The following NTRK3 variants were observed in gnomAD, a reference collection of about 807,000 sequenced individuals.
NTRK3 encodes NT-3 growth factor receptor.
Under a neutral mutation model 91.7 loss-of-function variants are expected in NTRK3, and 24 were observed. That is an observed-to-expected ratio of 0.26 (90% CI 0.19 to 0.37). The LOEUF (loss-of-function observed/expected upper bound fraction) is 0.37. NTRK3 is among the 10% of genes least tolerant of loss of function. The pLI is 1.00. For missense variants in NTRK3, 880 were observed against 1,068.9 expected (o/e 0.82, Z 2.46); for synonymous variants, 483 against 404.0 (o/e 1.20, Z -2.34).
chr15:88,164,562 A>G (rs549944721), intron 5 of NTRK3, among the ~76,000 whole-genome samples: 21 of 152,062 alleles, frequency 1.4e-4, no homozygotes, highest in Non-Finnish European at 2.5e-4. Context: ...TGTTCCCACT[A>G]AGATTACCCC....
chr15:87,909,322 G>A (rs558276942), intron 17 of NTRK3, among the ~76,000 whole-genome samples: 1 of 152,142 alleles, frequency 6.6e-6, no homozygotes, highest in Non-Finnish European at 1.5e-5. Flanking sequence ...ACTTAGCAAT[G>A]GCATTTCTCA....
chr15:88,135,820 C>G, intron 9 of NTRK3, 79 bp downstream of exon 9: 1 of 1,571,268 alleles, frequency 6.4e-7, no homozygotes, highest in South Asian at 1.2e-5. Flanking sequence ...TCACCCCTGA[C>G]AACACCTTGG....
chr15:88,228,114 C>T (rs535274133), intron 3 of NTRK3, among the ~76,000 whole-genome samples: 1 of 152,130 alleles, frequency 6.6e-6, no homozygotes, highest in Non-Finnish European at 1.5e-5. Flanking sequence ...CAGAATCATG[C>T]TTTTCCTTCT....
chr15:88,093,875 T>A (rs990545429), intron 13 of NTRK3, among the ~76,000 whole-genome samples: 2 of 152,174 alleles, frequency 1.3e-5, no homozygotes, highest in Admixed American at 6.5e-5. Context: ...ATCTTGTACA[T>A]GTTGTTATCA....
chr15:88,108,743 G>A (rs1367535990), intron 13 of NTRK3, among the ~76,000 whole-genome samples: 2 of 152,180 alleles, frequency 1.3e-5, no homozygotes, highest in Non-Finnish European at 2.9e-5. Flanking sequence ...CCCTCACTTG[G>A]AAGCTATAGC....
chr15:88,117,529 T>C (rs965864652), intron 13 of NTRK3, among the ~76,000 whole-genome samples: 1 of 152,228 alleles, frequency 6.6e-6, no homozygotes, highest in African/African-American at 2.4e-5. Context: ...ATGGATTTTG[T>C]ATTCAGGAAG....
chr15:88,060,400 A>G (rs1396915866), intron 13 of NTRK3, among the ~76,000 whole-genome samples: 1 of 151,520 alleles, frequency 6.6e-6, no homozygotes, highest in Non-Finnish European at 1.5e-5. Flanking sequence ...AAAAAAAAAA[A>G]AAAGTAGGGG....
intron 16 of NTRK3, among the ~76,000 whole-genome samples, chr15:87,929,913 T>C (rs1272149335): frequency 6.6e-6 from 1 of 152,194 alleles, no homozygotes; most frequent in Admixed American, 6.5e-5. Context: ...AATGGCCATA[T>C]GGGAAATCAG....
At chr15:88,108,254 A>C (rs1402925562) in intron 13 of NTRK3, among the ~76,000 whole-genome samples, 1 of 151,694 alleles carries the variant, frequency 6.6e-6, no homozygotes, top group African/African-American at 2.4e-5. Flanking sequence ...CCCCAAATAC[A>C]CTCCTGCCAT....
chr15:88,141,835 A>G (rs529601980), intron 6 of NTRK3, among the ~76,000 whole-genome samples: 1 of 152,334 alleles, frequency 6.6e-6, no homozygotes, highest in African/African-American at 2.4e-5. Context: ...AAGGCTTTGT[A>G]CAAATTTTCT....
At chr15:87,919,268 T>C (rs7175941) in intron 17 of NTRK3, among the ~76,000 whole-genome samples, 19,673 of 152,168 alleles carry the variant, frequency 0.13, 1,448 homozygotes, top group South Asian at 0.23. Flanking sequence ...GTTCCCACAT[T>C]TGTCACTGGC....
intron 13 of NTRK3, among the ~76,000 whole-genome samples, chr15:88,090,027 G>C (rs1160231923): frequency 1.3e-5 from 2 of 152,086 alleles, no homozygotes; most frequent in Non-Finnish European, 2.9e-5. Context: ...CCATCTCAGG[G>C]CCTTTGCACT....
At chr15:88,070,493 A>C in intron 13 of NTRK3, among the ~76,000 whole-genome samples, 1 of 152,226 alleles carries the variant, frequency 6.6e-6, no homozygotes, top group East Asian at 1.9e-4. Context: ...CAAGGGATAC[A>C]GAGGCAGAAA....
At chr15:87,870,876 T>C (rs1014689863) in exon 19 of NTRK3, 1 of 227,332 alleles carries the variant, frequency 4.4e-6, no homozygotes, top group African/African-American at 2.2e-5. Context: ...AAGTATCCCC[T>C]GCAAGCTATG....
At chr15:88,101,968 A>G (rs2150881390) in intron 13 of NTRK3, among the ~76,000 whole-genome samples, 1 of 152,332 alleles carries the variant, frequency 6.6e-6, no homozygotes, top group Non-Finnish European at 1.5e-5. Context: ...ATACATATGT[A>G]ACAAACCTGC....
At chr15:88,069,308 G>C (rs2046915730) in intron 13 of NTRK3, among the ~76,000 whole-genome samples, 1 of 152,174 alleles carries the variant, frequency 6.6e-6, no homozygotes, top group Non-Finnish European at 1.5e-5. Flanking sequence ...GCACCCCAAA[G>C]ACCTATGATT....
chr15:87,984,221 T>C (rs1262798885), intron 14 of NTRK3, among the ~76,000 whole-genome samples: 1 of 152,182 alleles, frequency 6.6e-6, no homozygotes, highest in African/African-American at 2.4e-5. Context: ...TGGAACTCTT[T>C]CCTGAGCACC....
At chr15:88,189,186 G>T (rs906638185) in intron 3 of NTRK3, among the ~76,000 whole-genome samples, 1 of 152,124 alleles carries the variant, frequency 6.6e-6, no homozygotes, top group Non-Finnish European at 1.5e-5. Context: ...GAAGGGAAAT[G>T]GAGTCAGGGA....
rs189369450 is a variant in NTRK3 at position 87,871,647 on chromosome 15, C to T, written c.*5288G>A. 1.1e-3 allele frequency: 255 copies of T among 229,284 alleles called. 1 individual carries two copies. Among genetic ancestry groups the T allele is most frequent in the African/African-American group, 5.1e-3 (233 of 45,264 alleles). The allele number at this position is 229,284 out of a possible 1,614,324, so 14.2% of individuals were successfully genotyped here. Reference sequence around the variant, plus strand: ...CAAATGATCCAACTTTACAAGATGACAGATTTCCCATCGTAATCTTCCTGA... The same window carrying T: ...CAAATGATCCAACTTTACAAGATGATAGATTTCCCATCGTAATCTTCCTGA... On this transcript the variant is annotated 3_prime_UTR_variant, in exon 19 of 19. Transcript: ENST00000394480.
Sources: gnomAD v4.1 joint callset for allele counts (sites outside exome capture counted in the v4.1 genomes callset) on GRCh38, gnomAD v4.1.1 for gene constraint, MANE v1.5 for transcripts, NCBI Gene and HGNC (gene_info 2026-07-23, HGNC 2026-07-21) for gene names.